SIAH3: variants seen among roughly 807,000 people sequenced by gnomAD.
SIAH3 encodes the protein siah E3 ubiquitin protein ligase family member 3.
A neutral mutation model predicts 12.6 loss-of-function variants in SIAH3; 9 were observed. The ratio of observed to expected loss-of-function variants is 0.72; its 90% confidence interval spans 0.43 to 1.25. The LOEUF (loss-of-function observed/expected upper bound fraction) is 1.25, where lower values mean the gene tolerates loss of function less well. SIAH3 is among the 50% of genes most tolerant of loss of function. SIAH3 has a pLI of 0.00. For missense variants in SIAH3, 390 were observed against 365.4 expected (o/e 1.07, Z -0.55); for synonymous variants, 154 against 151.1 (o/e 1.02, Z -0.14).
chr13:45,848,883 T>C (rs140343045), intron 1 of SIAH3, among the ~76,000 whole-genome samples: 2 of 152,188 alleles, frequency 1.3e-5, no homozygotes, highest in African/African-American at 4.8e-5. Flanking sequence ...ACAGGTTTTA[T>C]TTTTTTCCTT....
At chr13:45,815,413 G>T (rs766152356) in intron 1 of SIAH3, among the ~76,000 whole-genome samples, 12 of 152,054 alleles carry the variant, frequency 7.9e-5, no homozygotes, top group Non-Finnish European at 1.5e-4. Flanking sequence ...TTGGGCTCCG[G>T]CTATAGCATC....
chr13:45,821,663 AGC>A (rs1950656227), intron 1 of SIAH3, among the ~76,000 whole-genome samples: 1 of 152,248 alleles, frequency 6.6e-6, no homozygotes, highest in African/African-American at 2.4e-5. Flanking sequence ...GCTAATTATG[AGC>A]AAGTGTTATG....
chr13:45,818,392 C>A (rs531506362), intron 1 of SIAH3, among the ~76,000 whole-genome samples: 2 of 152,274 alleles, frequency 1.3e-5, no homozygotes, highest in South Asian at 4.1e-4. Flanking sequence ...ATAATGACTT[C>A]TAAAGAGATC....
intron 1 of SIAH3, among the ~76,000 whole-genome samples, chr13:45,793,770 C>A (rs1383877721): frequency 6.6e-6 from 1 of 152,194 alleles, no homozygotes; most frequent in Non-Finnish European, 1.5e-5. Flanking sequence ...AGAAGACTGC[C>A]CCCAAAAGAT....
At chr13:45,830,660 G>A (rs1950695560) in intron 1 of SIAH3, among the ~76,000 whole-genome samples, 1 of 152,204 alleles carries the variant, frequency 6.6e-6, no homozygotes, top group Non-Finnish European at 1.5e-5. Flanking sequence ...GGGCATTGAG[G>A]CATGAAGATG....
In SIAH3 at chr13:45,783,712, A is replaced by C. The variant is rs772699927; in HGVS notation, c.481T>G (p.Ser161Ala). ...PAPADWIIMH[S>A]CLGHHFLLVL... ...AACAGAAAGTGGTGGCCAAGGCAGGAGTGCATGATGATCCAATCAGCCGGC... is the reference window on the plus strand; with the variant it reads ...AACAGAAAGTGGTGGCCAAGGCAGGCGTGCATGATGATCCAATCAGCCGGC... Residue 161 changes from serine (S) to alanine (A), a missense_variant, in exon 2 of 2, where the codon TCC becomes GCC. Ser to Ala is a moderately conservative substitution (Grantham distance 99, BLOSUM62 1). Transcript: ENST00000400405. The C allele has an allele frequency of 2.5e-6, 4 of 1,614,100 alleles. No individual in the cohort carries two copies. The highest frequency in any genetic ancestry group is 3.4e-6 in the Non-Finnish European group (4 of 1,180,006).
At chr13:45,825,139 A>G (rs942657963) in intron 1 of SIAH3, among the ~76,000 whole-genome samples, 5 of 152,176 alleles carry the variant, frequency 3.3e-5, no homozygotes, top group Non-Finnish European at 7.3e-5. Flanking sequence ...TAAATAAGAA[A>G]TATAATTGCA....
chr13:45,839,130 C>T (rs1320015384), intron 1 of SIAH3, among the ~76,000 whole-genome samples: 2 of 151,962 alleles, frequency 1.3e-5, no homozygotes, highest in East Asian at 3.9e-4. Context: ...TTTCAAAGGC[C>T]TGTGGATCTC....
At chr13:45,838,335 G>A (rs1232679081) in intron 1 of SIAH3, among the ~76,000 whole-genome samples, 15 of 152,202 alleles carry the variant, frequency 9.9e-5, no homozygotes. Flanking sequence ...GATTCTTGGA[G>A]AGCAGCGCGT....
intron 1 of SIAH3, among the ~76,000 whole-genome samples, chr13:45,841,401 A>T (rs1950739634): frequency 6.6e-6 from 1 of 152,094 alleles, no homozygotes; most frequent in East Asian, 1.9e-4. Context: ...TCTGCAGAGG[A>T]TCCTGTCCTT....
intron 1 of SIAH3, among the ~76,000 whole-genome samples, chr13:45,784,892 G>A (rs1209390132): frequency 6.6e-6 from 1 of 152,174 alleles, no homozygotes; most frequent in Non-Finnish European, 1.5e-5. Flanking sequence ...CTGTGGCCAG[G>A]GCCTTGCAGG....
At chr13:45,787,186 T>C (rs1593374809) in intron 1 of SIAH3, among the ~76,000 whole-genome samples, 2 of 152,040 alleles carry the variant, frequency 1.3e-5, no homozygotes, top group African/African-American at 2.4e-5. Context: ...GACGGGTGAA[T>C]GGAGATATTT....
In SIAH3 at chr13:45,796,555, G is replaced by A. The variant is rs149141379; in HGVS notation, c.136-12498C>T. Among the ~76,000 whole-genome samples the A allele has an allele frequency of 1.2e-4, 19 of 152,308 alleles. No individual in the cohort carries two copies. The East Asian group carries it at 2.1e-3, about 17-fold the overall frequency. ...TCATGGCTGACACTCCCAGGGAGAC[G>A]CAGGGCCTAGAAACACAGTAGATAA... is the stretch of plus-strand genomic sequence containing the variant. On this transcript the variant is annotated intron_variant, in intron 1 of 1. Transcript: ENST00000400405.
chr13:45,789,467 C>T (rs559203348), intron 1 of SIAH3, among the ~76,000 whole-genome samples: 1 of 152,178 alleles, frequency 6.6e-6, no homozygotes, highest in African/African-American at 2.4e-5. Flanking sequence ...AATGCAGCGA[C>T]GTGATCTCGG....
intron 1 of SIAH3, among the ~76,000 whole-genome samples, chr13:45,816,939 A>G (rs1950636760): frequency 6.6e-6 from 1 of 152,250 alleles, no homozygotes; most frequent in Non-Finnish European, 1.5e-5. Context: ...GATAATGGTT[A>G]GGAATTTGCA....
chr13:45,792,075 G>A (rs764288032), intron 1 of SIAH3, among the ~76,000 whole-genome samples: 1 of 152,198 alleles, frequency 6.6e-6, no homozygotes, highest in Non-Finnish European at 1.5e-5. Context: ...CTCTGCATAA[G>A]TGCGATGCTG....
chr13:45,831,408 T>C (rs371873300), intron 1 of SIAH3, among the ~76,000 whole-genome samples: 14 of 151,824 alleles, frequency 9.2e-5, no homozygotes, highest in African/African-American at 3.1e-4. Flanking sequence ...CATGCGCAAA[T>C]TGATATTTGT....
chr13:45,831,812 T>C (rs1420952407), intron 1 of SIAH3, among the ~76,000 whole-genome samples: 1 of 152,230 alleles, frequency 6.6e-6, no homozygotes, highest in Non-Finnish European at 1.5e-5. Context: ...GTCTCTGTAG[T>C]GGAGAGATGA....
intron 1 of SIAH3, among the ~76,000 whole-genome samples, chr13:45,816,949 AC>A (rs1478507467): frequency 7.9e-5 from 12 of 152,246 alleles, no homozygotes; most frequent in Non-Finnish European, 1.3e-4. Context: ...AGGAATTTGC[AC>A]CAGGCAATGG....
Sources: allele counts gnomAD v4.1 joint callset (sites outside exome capture counted in the v4.1 genomes callset), GRCh38; gene constraint gnomAD v4.1.1; transcripts MANE v1.5; gene names NCBI Gene and HGNC (gene_info 2026-07-23, HGNC 2026-07-21).